The following CRACDL variants were observed in gnomAD, a reference collection of about 807,000 sequenced individuals.
CRACDL encodes CRACD like.
CRACDL carries 26 observed loss-of-function variants against 70.6 expected under a neutral mutation model. The ratio of observed to expected loss-of-function variants is 0.37; its 90% CI spans 0.27 to 0.51. CRACDL has a LOEUF of 0.51. Among genes scored for constraint, CRACDL ranks in the 20% least tolerant of loss-of-function variants. The probability of loss-of-function intolerance (pLI) is 0.94; values close to 1 mark genes in which losing one functional copy is unlikely to be tolerated. For missense variants in CRACDL, 1,283 were observed against 1,376.9 expected, an observed-to-expected ratio of 0.93 and a Z score of 1.08; for synonymous variants, 618 against 615.2, an observed-to-expected ratio of 1.00 and a Z score of -0.07.
intron 5 of CRACDL, among the ~76,000 whole-genome samples, chr2:98,828,667 G>A (rs1705415481): frequency 6.6e-6 from 1 of 152,216 alleles, no homozygotes; most frequent in Admixed American, 6.5e-5. Flanking sequence ...TCCAATAAAA[G>A]TGTAAGTTTA....
chr2:98,797,777 T>C (rs2104395974), intron 7 of CRACDL, among the ~76,000 whole-genome samples: 1 of 152,322 alleles, frequency 6.6e-6, no homozygotes, highest in East Asian at 1.9e-4. Context: ...GTGTGTACTT[T>C]AAAGCCAACT....
chr2:98,831,499 T>TA (rs1396272386), intron 5 of CRACDL, among the ~76,000 whole-genome samples: 2 of 152,172 alleles, frequency 1.3e-5, no homozygotes, highest in Admixed American at 6.5e-5. Flanking sequence ...TGTGTGGCTA[T>TA]AAAAAATAAA....
intron 1 of CRACDL, among the ~76,000 whole-genome samples, chr2:98,893,770 T>A (rs543904443): frequency 6.6e-5 from 10 of 152,234 alleles, no homozygotes; most frequent in Admixed American, 1.3e-4. Flanking sequence ...CCCACGTCTA[T>A]TTCTGTCCCC....
In CRACDL at chr2:98,822,912, G is replaced by C. The variant is rs774059631; in HGVS notation, c.1361C>G (p.Pro454Arg). The C allele has an allele frequency of 2.2e-4, 329 of 1,472,806 alleles. No individual in the cohort carries two copies. The highest frequency in any genetic ancestry group is 2.7e-4 in the Non-Finnish European group (306 of 1,121,962). The allele number at this position is 1,472,806 out of a possible 1,614,324, so 91.2% of individuals were successfully genotyped here. The stretch of plus-strand genomic sequence containing the variant: ...TCTCTCGGGCTCAGGCGCCGGCCCT[G>C]GGGGCCCCTTCTCCTCATCCGGGAG... ...PVLPDEEKGP[P>R]GPAPEPEREA... The change falls in exon 7 of 10, where the codon CCA (proline) becomes CGA (arginine). Residue 454 changes from proline (P) to arginine (R), a missense_variant. By Grantham distance (103) the Pro-to-Arg change is moderately radical (BLOSUM62 -2). This residue lies in a region of CRACDL where 921 missense variants were observed against 881.9 expected (regional missense o/e 1.04). Transcript: ENST00000397899. This position sits in a 1 kb window ranked among gnomAD's most constrained non-coding sequence, Gnocchi z 4.9.
In CRACDL at chr2:98,800,002, G is replaced by A. The variant is rs1377157042; in HGVS notation, c.2417-2465C>T. Among the ~76,000 whole-genome samples, 6 of 152,160 alleles carry A rather than the reference G, an allele frequency of 3.9e-5. 1 individual carries two copies. Among genetic ancestry groups the A allele is most frequent in the Admixed American group, 3.3e-4 (5 of 15,284 alleles). On this transcript the variant is annotated intron_variant, in intron 7 of 9. Coordinates refer to ENST00000397899, the MANE Select transcript of CRACDL (RefSeq NM_207362.3). ...TCTCTCTTCTACTCCTGATCCAACA[G>A]GCAGAATTGCTGAAATTACTAATAC...
intron 5 of CRACDL, among the ~76,000 whole-genome samples, chr2:98,827,752 T>A (rs1705370386): frequency 6.6e-6 from 1 of 152,198 alleles, no homozygotes; most frequent in South Asian, 2.1e-4. Context: ...CACCCTCCCA[T>A]GGTGGCTGGC....
intron 2 of CRACDL, among the ~76,000 whole-genome samples, chr2:98,839,092 C>G (rs562278963): frequency 2.0e-5 from 3 of 152,212 alleles, no homozygotes; most frequent in Non-Finnish European, 2.9e-5. Context: ...CTGTCTAATA[C>G]ATCCTGAAAA....
intron 1 of CRACDL, among the ~76,000 whole-genome samples, chr2:98,883,066 T>C (rs1303675843): frequency 6.6e-6 from 1 of 152,200 alleles, no homozygotes; most frequent in Admixed American, 6.5e-5. Context: ...TAGCAAAGGA[T>C]GAAGCGTCTT....
intron 1 of CRACDL, among the ~76,000 whole-genome samples, chr2:98,892,721 A>T (rs554234130): frequency 9.2e-5 from 14 of 152,218 alleles, no homozygotes; most frequent in African/African-American, 2.4e-4. Context: ...AAATTTTTTT[A>T]AAAATGATCT....
chr2:98,809,754 C>T (rs1704478088), intron 7 of CRACDL: 2 of 152,232 alleles, frequency 1.3e-5, no homozygotes, highest in African/African-American at 4.8e-5. Context: ...AAGGAGAATC[C>T]CATTCTCATA....
intron 3 of CRACDL, among the ~76,000 whole-genome samples, chr2:98,835,071 T>C (rs1373723886): frequency 1.3e-5 from 2 of 152,186 alleles, no homozygotes; most frequent in Admixed American, 6.5e-5. Context: ...AAATATATGA[T>C]AGGTTAAAGA....
chr2:98,916,232 C>T (rs1035304948), intron 1 of CRACDL, among the ~76,000 whole-genome samples: 1 of 152,164 alleles, frequency 6.6e-6, no homozygotes, highest in Non-Finnish European at 1.5e-5. Flanking sequence ...TAATCATGGG[C>T]TGGAAGAAGC....
intron 1 of CRACDL, chr2:98,908,451 T>C (rs1708467414): frequency 6.6e-6 from 1 of 152,246 alleles, no homozygotes; most frequent in South Asian, 2.1e-4. Context: ...AGGCTAGCCA[T>C]CCTTCCTGGC....
At chr2:98,853,055 G>A (rs1706549586) in intron 1 of CRACDL, among the ~76,000 whole-genome samples, 1 of 140,608 alleles carries the variant, frequency 7.1e-6, no homozygotes, top group African/African-American at 2.6e-5. Context: ...GAAAGGGAAG[G>A]GGGGGCATTA....
chr2:98,839,437 T>C (rs1394140485), intron 2 of CRACDL, among the ~76,000 whole-genome samples: 2 of 152,128 alleles, frequency 1.3e-5, no homozygotes, highest in Non-Finnish European at 2.9e-5. Flanking sequence ...TTCTTAAGAG[T>C]TTTCTGCATT....
chr2:98,916,828 A>G (rs1708677507), intron 1 of CRACDL, among the ~76,000 whole-genome samples: 1 of 152,190 alleles, frequency 6.6e-6, no homozygotes, highest in African/African-American at 2.4e-5. Context: ...CACAGGGCAG[A>G]GCAGCTGCCT....
intron 1 of CRACDL, among the ~76,000 whole-genome samples, chr2:98,853,273 A>G (rs1706557040): frequency 6.6e-6 from 1 of 152,206 alleles, no homozygotes; most frequent in African/African-American, 2.4e-5. Flanking sequence ...CACATCATAA[A>G]CAGGCAAACA....
At chr2:98,821,834 C>A in intron 7 of CRACDL, 23 bp downstream of exon 7, 1 of 1,605,708 alleles carries the variant, frequency 6.2e-7, no homozygotes. Context: ...CCTGCCCTTC[C>A]CGCACCCTCG....
At position 98,932,037 on chromosome 2, in the gene CRACDL, C is replaced by T. The variant is rs1191236827; in HGVS notation, c.-11+3901G>A. Among the ~76,000 whole-genome samples the T allele has an allele frequency of 2.6e-5, 4 of 152,240 alleles. No individual in the cohort carries two copies. In the East Asian group the frequency reaches 7.7e-4, roughly 29 times the overall value. ...TAAAGTTTTGAAGTTATTTTCCAGA[C>T]ACAGAGATCTAGAAAGAGCATTATT... On this transcript the variant is annotated intron_variant, in intron 1 of 9. Coordinates refer to ENST00000397899, the MANE Select transcript of CRACDL (RefSeq NM_207362.3).
Sources: gnomAD v4.1 joint callset for allele counts (sites outside exome capture counted in the v4.1 genomes callset) on GRCh38, gnomAD v4.1.1 for gene constraint, gnomAD v4.1.1 regional missense constraint, Gnocchi (gnomAD v3.1) non-coding constraint, MANE v1.5 for transcripts, NCBI Gene and HGNC (gene_info 2026-07-23, HGNC 2026-07-21) for gene names.